RHBDD3: variants seen among roughly 807,000 people sequenced by gnomAD.
RHBDD3 encodes the protein rhomboid domain containing 3.
Under a neutral mutation model 32.3 loss-of-function variants are expected in RHBDD3, and 34 were observed. The ratio of observed to expected loss-of-function variants is 1.05; its 90% CI spans 0.80 to 1.40. The LOEUF is 1.40. Among genes scored for constraint, RHBDD3 ranks in the 40% most tolerant of loss-of-function variants. The probability of loss-of-function intolerance (pLI) is 0.00; values close to 1 mark genes in which losing one functional copy is unlikely to be tolerated. For missense variants in RHBDD3, 482 were observed against 492.6 expected (o/e 0.98, Z 0.20); for synonymous variants, 249 against 239.1 (o/e 1.04, Z -0.38).
chr22:29,265,500 G>A lies in RHBDD3; in HGVS notation c.127C>T (p.Leu43=), dbSNP rs749888014. The A allele has an allele frequency of 1.9e-6, 3 of 1,544,998 alleles. No homozygotes were observed. The highest frequency in any genetic ancestry group is 2.2e-5 in the Admixed American group (1 of 44,946). ...AGPGLVLAPE[L]LLDPWQVHRL... ...TCACCCTGCCAGGGGTCCAGCAACAGCTCCGGGGCCAGGACCAGGCCGGGG... is the reference window on the plus strand; with the variant it reads ...TCACCCTGCCAGGGGTCCAGCAACAACTCCGGGGCCAGGACCAGGCCGGGG... The change falls in exon 3 of 7, where the codon CTG becomes TTG. Residue 43 remains leucine, a synonymous_variant. Transcript: ENST00000216085.
rs769719422 is a variant in RHBDD3, at chr22:29,264,213, GGT to G, written c.152_153del (p.His51ProfsTer86). ...TGGCCCAGGGCATGGGTCAGCAGCC[GGT>G]GCACTGGGAGAGAGAAGGGGCTTAT... Reference protein sequence around the residue: ...PELLLDPWQVHRLLTHALGHT... With the variant: ...PELLLDPWQVXRLLTHALGHT... On this transcript the variant is annotated frameshift_variant, in exon 4 of 7. Coordinates refer to ENST00000216085, the MANE Select transcript of RHBDD3 (RefSeq NM_012265.3). LOFTEE classifies it high-confidence loss of function. The G allele has an allele frequency of 6.5e-7, 1 of 1,531,130 alleles. No individual in the cohort carries two copies. The highest frequency in any genetic ancestry group is 1.3e-5 in the South Asian group (1 of 77,970). 94.8% of individuals were successfully genotyped at this position (1,531,130 alleles called of 1,614,324 possible). A position where few individuals can be genotyped will look rare whatever the true frequency, so the allele number is the denominator to read the frequency against.
chr22:29,262,566 A>G (rs1169033077), intron 4 of RHBDD3, among the ~76,000 whole-genome samples: 1 of 152,190 alleles, frequency 6.6e-6, no homozygotes, highest in African/African-American at 2.4e-5. Context: ...CAGCTTGCTA[A>G]TTTCTGCAAC....
chr22:29,260,955 G>T, intron 4 of RHBDD3, 91 bp from the exon 5 acceptor site: 2 of 1,281,088 alleles, frequency 1.6e-6, no homozygotes, highest in Non-Finnish European at 2.1e-6. Flanking sequence ...TGCCAAGTGT[G>T]CTGGCCACCA....
intron 4 of RHBDD3, chr22:29,262,042 AAC>A (rs1317241614): frequency 5.9e-5 from 9 of 152,292 alleles, no homozygotes; most frequent in African/African-American, 2.2e-4. Context: ...CAGTAAATCT[AAC>A]AGTTTATTTC....
chr22:29,265,359 C>A, intron 3 of RHBDD3, 120 bp downstream of exon 3: 1 of 785,980 alleles, frequency 1.3e-6, no homozygotes, highest in Non-Finnish European at 1.9e-6. Flanking sequence ...CATGCTTTCC[C>A]GGGACACTGG....
Position 29,260,160 on chromosome 22 carries a change from C to T in RHBDD3, c.1061G>A (p.Gly354Asp). The change falls in exon 7 of 7, where the codon GGT becomes GAT. Residue 354 changes from glycine (G) to aspartate (D), a missense_variant. Physicochemically the swap from Gly to Asp is moderately conservative, Grantham distance 94 (BLOSUM62 -1). Transcript: ENST00000216085. The stretch of plus-strand genomic sequence containing the variant: ...TCCTCCAACCAACAGTGACACGGCA[C>T]CCTCCACACGGCCTGTGGCTGCCAG... ...VALAATGRVE[G>D]AVSLLVGGQV... 1 of 1,589,730 alleles carries T rather than the reference C, an allele frequency of 6.3e-7. No homozygotes were observed. The highest frequency in any genetic ancestry group is 8.6e-7 in the Non-Finnish European group (1 of 1,168,170).
At chr22:29,261,218 A>C (rs1284668949) in intron 4 of RHBDD3, 1 of 523,376 alleles carries the variant, frequency 1.9e-6, no homozygotes, top group African/African-American at 1.9e-5. Context: ...GCCTTCAGAC[A>C]GGCCTGGATA....
At chr22:29,266,094 G>T (rs1436081738) in intron 2 of RHBDD3, among the ~76,000 whole-genome samples, 1 of 152,108 alleles carries the variant, frequency 6.6e-6, no homozygotes, top group Non-Finnish European at 1.5e-5. Context: ...CTGGGGTGGG[G>T]CCAGACAATG....
At position 29,260,536 on chromosome 22, in the gene RHBDD3, G is replaced by C. The variant is rs1182813328; in HGVS notation, c.773C>G (p.Pro258Arg). Residue 258 changes from proline to arginine, a missense_variant, in exon 6 of 7, where the codon CCA becomes CGA. Transcript: ENST00000216085. ...GGTGGGCTGCACAGGCCTCAGGCTT[G>C]GTGGGGGCAGGGCTGAGTCTTCCCA... Reference protein sequence around the residue: ...SHWEDSALPPPSLRPVQPTWE... With the variant: ...SHWEDSALPPRSLRPVQPTWE... 1 of 1,597,614 alleles carries C rather than the reference G, an allele frequency of 6.3e-7. No individual in the cohort carries two copies. The highest frequency in any genetic ancestry group is 1.3e-5 in the African/African-American group (1 of 74,862).
chr22:29,267,945 C>T lies in RHBDD3; in HGVS notation c.-392G>A, dbSNP rs935621349. On this transcript the variant is annotated 5_prime_UTR_variant, in exon 1 of 7. Coordinates refer to ENST00000216085, the MANE Select transcript of RHBDD3 (RefSeq NM_012265.3). ...TCAGCAGTTGTTCTAGTCCGGGTCC[C>T]TTCCCCCAGCCCTCCCGCCGATCTC... The T allele has an allele frequency of 3.2e-6, 1 of 315,876 alleles. No homozygotes were observed. Among genetic ancestry groups the T allele is most frequent in the Non-Finnish European group, 6.1e-6 (1 of 165,092 alleles). 19.6% of individuals were successfully genotyped at this position (315,876 alleles called of 1,614,324 possible).
At position 29,265,495 on chromosome 22, in the gene RHBDD3, C is replaced by A. The variant is rs372045948; in HGVS notation, c.132G>T (p.Leu44Phe). 13 of 1,536,058 alleles carry A rather than the reference C, an allele frequency of 8.5e-6. No homozygotes were observed. The highest frequency in any genetic ancestry group is 7.6e-5 in the East Asian group (3 of 39,518). ...GPGLVLAPEL[L>F]LDPWQVHRLL... ...GGCCCTCACCCTGCCAGGGGTCCAG[C>A]AACAGCTCCGGGGCCAGGACCAGGC... The change falls in exon 3 of 7, where the codon TTG (leucine) becomes TTT (phenylalanine). Residue 44 changes from leucine (L) to phenylalanine (F), a missense_variant. Leu to Phe is a conservative substitution (Grantham distance 22, BLOSUM62 0). Transcript: ENST00000216085.
Position 29,260,206 on chromosome 22 carries a change from T to C in RHBDD3, c.1015A>G (p.Thr339Ala), listed in dbSNP as rs554491048. The C allele has an allele frequency of 3.1e-5, 50 of 1,598,228 alleles. No individual in the cohort carries two copies. The East Asian group carries it at 1.0e-3, about 32-fold the overall frequency. Residue 339 changes from threonine to alanine, a missense_variant, in exon 7 of 7, where the codon ACG becomes GCG. Coordinates refer to ENST00000216085, the MANE Select transcript of RHBDD3 (RefSeq NM_012265.3). ...GCCAGTGCCACCACCGCCTGCTCCG[T>C]AGGGAAGCCCATGCGCTCCAGCTGC... Reference protein sequence around the residue: ...LQQLERMGFPTEQAVVALAAT... With the variant: ...LQQLERMGFPAEQAVVALAAT...
In RHBDD3 at chr22:29,259,982, A is replaced by G. The variant is rs1273220060; in HGVS notation, c.*78T>C. 6.9e-7 allele frequency: 1 copy of G among 1,444,804 alleles called. No individual in the cohort carries two copies. The highest frequency in any genetic ancestry group is 2.1e-5 in the Admixed American group (1 of 48,562). 89.5% of individuals were successfully genotyped at this position (1,444,804 alleles called of 1,614,324 possible). ...CCCCACTGTGGCCCTCTTTAGACAG[A>G]GTAGGAGCTCGGGCTACCCACATGC... On this transcript the variant is annotated 3_prime_UTR_variant, in exon 7 of 7. Coordinates refer to ENST00000216085, the MANE Select transcript of RHBDD3 (RefSeq NM_012265.3).
rs1347536170 is a variant in RHBDD3, at chr22:29,260,738, A to G, written c.659T>C (p.Leu220Pro). The stretch of plus-strand genomic sequence containing the variant: ...AGGATGGGTGACAGGCAGCTCCGCC[A>G]GGCTACCCGGGGTGGCAAGGAGCCT... ...PLRLLATPGS[L>P]AELPVTHPAG... Residue 220 changes from leucine (L) to proline (P), a missense_variant, in exon 5 of 7, where the codon CTG becomes CCG. Leu to Pro is a moderately conservative substitution (Grantham distance 98). Transcript: ENST00000216085. The G allele has an allele frequency of 6.3e-7, 1 of 1,596,328 alleles. No homozygotes were observed. Among genetic ancestry groups the G allele is most frequent in the Non-Finnish European group, 8.5e-7 (1 of 1,172,302 alleles).
intron 4 of RHBDD3, chr22:29,261,066 CCAAA>C (rs2058111731): frequency 3.2e-6 from 2 of 631,012 alleles, no homozygotes; most frequent in Admixed American, 3.0e-5. Flanking sequence ...AGCTACTCAG[CCAAA>C]CAGAGCCAGG....
chr22:29,264,109 C>A lies in RHBDD3; in HGVS notation c.258G>T (p.Thr86=). 5 of 1,585,668 alleles carry A rather than the reference C, an allele frequency of 3.2e-6. No individual in the cohort carries two copies. The highest frequency in any genetic ancestry group is 4.3e-6 in the Non-Finnish European group (5 of 1,167,400). ...VGWQQECHLG[T]LRFLHASALL... is the part of the protein sequence containing the mutation. ...GGGCTGAGGCATGCAGGAATCTCAG[C>A]GTGCCCAGGTGGCACTCCTGCTGCC... Residue 86 remains threonine, a synonymous_variant, in exon 4 of 7, where the codon ACG becomes ACT. Transcript: ENST00000216085.
rs1392393414 is a variant in RHBDD3, at chr22:29,260,343, G to A, written c.966C>T (p.Ser322=). 3 of 1,609,922 alleles carry A rather than the reference G, an allele frequency of 1.9e-6. No individual in the cohort carries two copies. Among genetic ancestry groups the A allele is most frequent in the Non-Finnish European group, 1.7e-6 (2 of 1,177,906 alleles). Residue 322 remains serine, a synonymous_variant, in exon 6 of 7, where the codon TCC becomes TCT. Transcript: ENST00000216085. ...EPQSAPWLSK[S]SVSSLRLQQL... is the part of the protein sequence containing the mutation. The stretch of plus-strand genomic sequence containing the variant: ...CACCTTACCGCAGAGAGGAGACAGA[G>A]GACTTGGACAGCCATGGTGCGCTCT...
chr22:29,266,902 C>T (rs2058206853), intron 2 of RHBDD3, among the ~76,000 whole-genome samples: 3 of 152,364 alleles, frequency 2.0e-5, no homozygotes, highest in Non-Finnish European at 1.5e-5. Flanking sequence ...ACTCCTATTT[C>T]ACCCTTGGAA....
chr22:29,261,399 C>G (rs2146513524), intron 4 of RHBDD3: 1 of 458,018 alleles, frequency 2.2e-6, no homozygotes, highest in African/African-American at 2.0e-5. Context: ...GAGTTCAAGA[C>G]CAGCCTGGGC....
Sources: allele counts gnomAD v4.1 joint callset (sites outside exome capture counted in the v4.1 genomes callset), GRCh38; gene constraint gnomAD v4.1.1; transcripts MANE v1.5; gene names NCBI Gene and HGNC (gene_info 2026-07-23, HGNC 2026-07-21).